The following MGAT5 variants were observed in gnomAD, a reference collection of about 807,000 sequenced individuals.
The protein encoded by MGAT5 is alpha-1,6-mannosylglycoprotein 6-beta-N-acetylglucosaminyltransferase.
Under a neutral mutation model 94.3 loss-of-function variants are expected in MGAT5, and 30 were observed. The observed-to-expected ratio is 0.32, with a 90% CI of 0.24 to 0.43. The LOEUF is 0.43. Ranked by LOEUF, MGAT5 falls within the 20% of genes least tolerant of loss-of-function variation. The probability of loss-of-function intolerance (pLI) is 1.00; values close to 1 mark genes in which losing one functional copy is unlikely to be tolerated. For synonymous variants in MGAT5, 310 were observed against 322.9 expected, an observed-to-expected ratio of 0.96 and a Z score of 0.43; for missense variants, 691 against 905.5, an observed-to-expected ratio of 0.76 and a Z score of 3.04.
At chr2:134,152,878 C>A (rs1212302413) in intron 1 of MGAT5, among the ~76,000 whole-genome samples, 1 of 151,230 alleles carries the variant, frequency 6.6e-6, no homozygotes, top group Non-Finnish European at 1.5e-5. Flanking sequence ...CTAAGCATAC[C>A]CTTTCCAGGC....
chr2:134,322,466 T>C (rs1687390396), intron 4 of MGAT5, among the ~76,000 whole-genome samples: 2 of 152,196 alleles, frequency 1.3e-5, no homozygotes. Flanking sequence ...AATTAACATG[T>C]GCATTACTTC....
chr2:134,382,860 G>C (rs1681721378), intron 10 of MGAT5, among the ~76,000 whole-genome samples: 1 of 152,214 alleles, frequency 6.6e-6, no homozygotes, highest in South Asian at 2.1e-4. Context: ...AATGTTGAGA[G>C]AGTTTACTAC....
chr2:134,189,163 C>T (rs1289453007), intron 1 of MGAT5, among the ~76,000 whole-genome samples: 2 of 152,124 alleles, frequency 1.3e-5, no homozygotes, highest in Admixed American at 6.5e-5. Context: ...AGTACAACCA[C>T]ATGGCCAATG....
rs540281678 is a variant in MGAT5 at position 134,173,799 on chromosome 2, G to A, written c.-143+53508G>A. On this transcript the variant is annotated intron_variant, in intron 1 of 16. Coordinates refer to the MGAT5 transcript ENST00000409645. The stretch of plus-strand genomic sequence containing the variant: ...TAACTGCCATTGACATTTATAACTC[G>A]AAAGCCATATCACAGATGACTTTAC... Among the ~76,000 whole-genome samples the A allele has an allele frequency of 4.3e-4, 66 of 152,244 alleles. 1 individual carries two copies. Among genetic ancestry groups the A allele is most frequent in the South Asian group, 4.2e-3 (20 of 4,816 alleles).
At chr2:134,307,105 C>T (rs11884175) in intron 2 of MGAT5, among the ~76,000 whole-genome samples, 2,646 of 151,996 alleles carry the variant, frequency 0.017, 87 homozygotes, top group African/African-American at 0.06. Flanking sequence ...GATGGGATGA[C>T]GGCATTTTGG....
At chr2:134,397,740 G>A (rs192266496) in intron 10 of MGAT5, among the ~76,000 whole-genome samples, 4 of 152,304 alleles carry the variant, frequency 2.6e-5, no homozygotes, top group Non-Finnish European at 5.9e-5. Context: ...CTCCTAAGGA[G>A]CGTGCCACTG....
chr2:134,439,526 G>A (rs980152906), intron 14 of MGAT5, among the ~76,000 whole-genome samples: 2 of 152,110 alleles, frequency 1.3e-5, no homozygotes, highest in South Asian at 2.1e-4. Context: ...GCAAAACCTC[G>A]TCTCTACTAA....
At chr2:134,270,670 C>T (rs1683976178) in intron 2 of MGAT5, 120 bp downstream of exon 2, 4 of 987,750 alleles carry the variant, frequency 4.0e-6, no homozygotes, top group South Asian at 4.0e-5. Context: ...ATAAACTTGG[C>T]ATGGCCATTG....
At chr2:134,352,066 A>G in intron 9 of MGAT5, among the ~76,000 whole-genome samples, 1 of 152,210 alleles carries the variant, frequency 6.6e-6, no homozygotes, top group East Asian at 1.9e-4. Context: ...CTGATGGTGC[A>G]GTGAGCAAAA....
rs776207279 is a variant in MGAT5, at chr2:134,448,751, C to G, written c.2130C>G (p.Leu710=). The part of the protein sequence containing the change: ...KHCVFQGDLL[L]FSCAGAHPRH... The stretch of plus-strand genomic sequence containing the variant: ...GTGTGTTTCAAGGTGACCTCCTGCT[C>G]TTCAGCTGTGCAGGCGCCCACCCCA... Residue 710 remains leucine, a synonymous_variant, in exon 16 of 16, where the codon CTC becomes CTG. Coordinates refer to ENST00000281923, the MANE Select transcript of MGAT5 (RefSeq NM_002410.5). 1 of 1,614,110 alleles carries G rather than the reference C, an allele frequency of 6.2e-7. No homozygotes were observed. The highest frequency in any genetic ancestry group is 1.3e-5 in the African/African-American group (1 of 74,942).
chr2:134,376,422 G>A (rs565702098), intron 10 of MGAT5, among the ~76,000 whole-genome samples: 20 of 152,128 alleles, frequency 1.3e-4, no homozygotes, highest in Non-Finnish European at 1.9e-4. Context: ...CCTAAAGACA[G>A]TGTCTTTTTA....
intron 1 of MGAT5, among the ~76,000 whole-genome samples, chr2:134,134,267 C>T (rs1044967356): frequency 2.6e-5 from 4 of 152,068 alleles, no homozygotes; most frequent in African/African-American, 7.2e-5. Context: ...TGGTTGGATG[C>T]CTTTAATTAA....
chr2:134,232,807 T>A (rs532804569), intron 1 of MGAT5, among the ~76,000 whole-genome samples: 1 of 152,296 alleles, frequency 6.6e-6, no homozygotes, highest in South Asian at 2.1e-4. Flanking sequence ...TCTTCTTGAT[T>A]CTGTGGGTGG....
chr2:134,418,431 G>A (rs1684096767), intron 12 of MGAT5, among the ~76,000 whole-genome samples: 1 of 152,186 alleles, frequency 6.6e-6, no homozygotes, highest in Admixed American at 6.5e-5. Context: ...ACCTCACACA[G>A]ATGACTCCAT....
At chr2:134,383,460 AG>A (rs1276064873) in intron 10 of MGAT5, among the ~76,000 whole-genome samples, 1 of 152,256 alleles carries the variant, frequency 6.6e-6, no homozygotes. Flanking sequence ...GGAGAGTATT[AG>A]TCAAGTACTT....
At chr2:134,413,134 G>C in intron 12 of MGAT5, 119 bp downstream of exon 12, 6 of 1,114,056 alleles carry the variant, frequency 5.4e-6, no homozygotes, top group Non-Finnish European at 6.4e-6. Flanking sequence ...GGGTATAGAG[G>C]CTCAGAGAGG....
At chr2:134,412,751 A>G in intron 11 of MGAT5, 118 bp from the exon 12 acceptor site, 1 of 1,287,744 alleles carries the variant, frequency 7.8e-7, no homozygotes, top group East Asian at 2.3e-5. Context: ...AGCCTTCCAA[A>G]GTGAGGTGTC....
chr2:134,176,338 C>T (rs1296981162), intron 1 of MGAT5, among the ~76,000 whole-genome samples: 2 of 125,886 alleles, frequency 1.6e-5, no homozygotes, highest in South Asian at 2.4e-4. Flanking sequence ...TTTGGGAGGC[C>T]GGGGTGGGGT....
At chr2:134,220,807 C>G (rs1680724426) in intron 1 of MGAT5, among the ~76,000 whole-genome samples, 1 of 152,150 alleles carries the variant, frequency 6.6e-6, no homozygotes, top group African/African-American at 2.4e-5. Flanking sequence ...ACTCCTCACT[C>G]TGACTTATAG....
Sources: allele counts gnomAD v4.1 joint callset (sites outside exome capture counted in the v4.1 genomes callset), GRCh38; gene constraint gnomAD v4.1.1; transcripts MANE v1.5; gene names NCBI Gene and HGNC (gene_info 2026-07-23, HGNC 2026-07-21).